SH3BGRL2: variants seen among roughly 807,000 people sequenced by gnomAD.
The protein encoded by SH3BGRL2 is SH3 domain binding glutamate rich protein like 2.
Under a neutral mutation model 14.8 loss-of-function variants are expected in SH3BGRL2, and 21 were observed. The observed-to-expected ratio is 1.42, with a 90% CI of 1.01 to 2.05. The LOEUF is 2.05. SH3BGRL2 is among the 30% of genes most tolerant of loss of function. The probability of loss-of-function intolerance (pLI) is 0.00; values close to 1 mark genes in which losing one functional copy is unlikely to be tolerated. For missense variants in SH3BGRL2, 147 were observed against 130.8 expected (o/e 1.12, Z -0.61); for synonymous variants, 50 against 47.8 (o/e 1.05, Z -0.19).
chr6:79,698,398 C>T (rs1770376026), intron 3 of SH3BGRL2, among the ~76,000 whole-genome samples: 1 of 152,208 alleles, frequency 6.6e-6, no homozygotes, highest in Non-Finnish European at 1.5e-5. Context: ...AGAGTGTTCA[C>T]AGGTTTAATG....
At chr6:79,673,165 G>A (rs1364252376) in intron 1 of SH3BGRL2, among the ~76,000 whole-genome samples, 1 of 141,542 alleles carries the variant, frequency 7.1e-6, no homozygotes, top group Non-Finnish European at 1.6e-5. Context: ...GTTGGGGTGG[G>A]ATGGGGAGTG....
At chr6:79,566,970 T>C in the SH3BGRL2 span, among the ~76,000 whole-genome samples, 1 of 152,060 alleles carries the variant, frequency 6.6e-6, no homozygotes, top group Non-Finnish European at 1.5e-5. Context: ...ATTAGAAACT[T>C]AAATTCTCCC....
intron 1 of SH3BGRL2, among the ~76,000 whole-genome samples, chr6:79,666,239 G>A (rs1422321471): frequency 6.6e-6 from 1 of 152,162 alleles, no homozygotes; most frequent in Non-Finnish European, 1.5e-5. Flanking sequence ...AACGTGGAAA[G>A]GCTGCCCCAC....
the SH3BGRL2 span, among the ~76,000 whole-genome samples, chr6:79,584,007 A>G: frequency 4.2e-4 from 64 of 152,314 alleles, no homozygotes; most frequent in Middle Eastern, 3.4e-3. Context: ...TACAAGAGAC[A>G]TTGTGATGAG....
At chr6:79,653,148 G>A (rs1190740565) in intron 1 of SH3BGRL2, among the ~76,000 whole-genome samples, 5 of 152,132 alleles carry the variant, frequency 3.3e-5, no homozygotes, top group South Asian at 4.2e-4. Flanking sequence ...TATATCTTTA[G>A]GTTAGCATTG....
chr6:79,578,067 G>A, the SH3BGRL2 span, among the ~76,000 whole-genome samples: 1 of 152,262 alleles, frequency 6.6e-6, no homozygotes, highest in Non-Finnish European at 1.5e-5. Flanking sequence ...CTGGCTGGGA[G>A]AGGGGCATCT....
At chr6:79,559,373 A>G in the SH3BGRL2 span, among the ~76,000 whole-genome samples, 1 of 152,114 alleles carries the variant, frequency 6.6e-6, no homozygotes, top group African/African-American at 2.4e-5. Context: ...GTCTCGCAAT[A>G]TGACTGGAAA....
In SH3BGRL2 at chr6:79,673,617, A is replaced by C. The variant is rs373855025; in HGVS notation, c.49A>C (p.Lys17Gln). ...TTTGTTTGTCTTCTCTCTTTAGATA[A>C]AGAAGAAGCAGCAAGATGTGGTTAG... ...IASSSGFVAIKKKQQDVVRFL... is the reference protein window; with the variant it reads ...IASSSGFVAIQKKQQDVVRFL... Residue 17 changes from lysine to glutamine, a missense_variant, in exon 2 of 4, where the codon AAG becomes CAG. By Grantham distance (53) the Lys-to-Gln change is moderately conservative. Coordinates refer to ENST00000369838, the MANE Select transcript of SH3BGRL2 (RefSeq NM_031469.4). The C allele has an allele frequency of 3.1e-6, 5 of 1,613,654 alleles. No individual in the cohort carries two copies. The East Asian group carries it at 1.1e-4, about 36-fold the overall frequency.
the SH3BGRL2 span, among the ~76,000 whole-genome samples, chr6:79,592,700 T>A: frequency 4.6e-5 from 7 of 152,210 alleles, no homozygotes; most frequent in Non-Finnish European, 7.3e-5. Flanking sequence ...AGGACCAGAT[T>A]GTGGGGACAC....
chr6:79,606,430 T>G, the SH3BGRL2 span, among the ~76,000 whole-genome samples: 1 of 152,240 alleles, frequency 6.6e-6, no homozygotes, highest in Admixed American at 6.5e-5. Context: ...TCTTCAACTA[T>G]GCTTACATTA....
the SH3BGRL2 span, among the ~76,000 whole-genome samples, chr6:79,576,908 A>G: frequency 6.6e-6 from 1 of 152,200 alleles, no homozygotes; most frequent in Non-Finnish European, 1.5e-5. Context: ...TATTTTGCTC[A>G]GCATAACGTT....
chr6:79,553,028 A>G, the SH3BGRL2 span: 1 of 152,320 alleles, frequency 6.6e-6, no homozygotes, highest in Admixed American at 6.5e-5. Context: ...TGATTGCAGT[A>G]GATTAGAAAG....
intron 1 of SH3BGRL2, among the ~76,000 whole-genome samples, chr6:79,634,074 G>A (rs922906526): frequency 6.6e-6 from 1 of 152,178 alleles, no homozygotes; most frequent in African/African-American, 2.4e-5. Flanking sequence ...TAAACCACAA[G>A]GAAGGGATGT....
chr6:79,669,485 G>C (rs1003232250), intron 1 of SH3BGRL2, among the ~76,000 whole-genome samples: 1 of 116,896 alleles, frequency 8.6e-6, no homozygotes, highest in Non-Finnish European at 1.7e-5. Flanking sequence ...ACAAAGTTTC[G>C]CCCTTGTTGC....
At chr6:79,570,062 C>A in the SH3BGRL2 span, among the ~76,000 whole-genome samples, 4 of 152,138 alleles carry the variant, frequency 2.6e-5, no homozygotes, top group Non-Finnish European at 5.9e-5. Context: ...TTCATGTCTA[C>A]AATTTTTAAA....
chr6:79,693,424 C>T (rs1006643891), intron 2 of SH3BGRL2, among the ~76,000 whole-genome samples: 72 of 150,934 alleles, frequency 4.8e-4, no homozygotes, highest in Non-Finnish European at 6.9e-4. Context: ...GAGGGCATCC[C>T]TGTCTTGTGC....
the SH3BGRL2 span, among the ~76,000 whole-genome samples, chr6:79,585,544 A>G: frequency 6.6e-6 from 1 of 152,170 alleles, no homozygotes; most frequent in African/African-American, 2.4e-5. Flanking sequence ...TCCCAATACA[A>G]TCACACTCAC....
the SH3BGRL2 span, among the ~76,000 whole-genome samples, chr6:79,609,171 A>G: frequency 6.6e-6 from 1 of 152,288 alleles, no homozygotes; most frequent in African/African-American, 2.4e-5. Flanking sequence ...CTCCTTTTAC[A>G]TGCATGACAT....
the SH3BGRL2 span, among the ~76,000 whole-genome samples, chr6:79,594,030 A>AG: frequency 6.6e-6 from 1 of 151,800 alleles, no homozygotes; most frequent in African/African-American, 2.4e-5. Context: ...TGTCTCAAAA[A>AG]AAAAAAAAAC....
Sources: allele counts gnomAD v4.1 joint callset (sites outside exome capture counted in the v4.1 genomes callset), GRCh38; gene constraint gnomAD v4.1.1; transcripts MANE v1.5; gene names NCBI Gene and HGNC (gene_info 2026-07-23, HGNC 2026-07-21).